The following PLCE1 variants were observed in gnomAD, a reference collection of about 807,000 sequenced individuals.
The protein encoded by PLCE1 is 1-phosphatidylinositol 4,5-bisphosphate phosphodiesterase epsilon-1.
PLCE1 carries 119 observed loss-of-function variants against 242.8 expected under a neutral mutation model. The ratio of observed to expected loss-of-function variants is 0.49; its 90% CI spans 0.42 to 0.57. The LOEUF (loss-of-function observed/expected upper bound fraction) is 0.57. Among genes scored for constraint, PLCE1 ranks in the 20% least tolerant of loss-of-function variants. The probability of loss-of-function intolerance (pLI) is 0.00; values close to 1 mark genes in which losing one functional copy is unlikely to be tolerated. For missense variants in PLCE1, 2,441 were observed against 2,788.8 expected (o/e 0.88, Z 2.81); for synonymous variants, 945 against 1,017.4 (o/e 0.93, Z 1.35).
chr10:94,235,115 C>T (rs1015289324), intron 6 of PLCE1, among the ~76,000 whole-genome samples: 2 of 145,026 alleles, frequency 1.4e-5, no homozygotes, highest in Non-Finnish European at 3.0e-5. Context: ...CATGTACATG[C>T]CTTCTCCATG....
intron 7 of PLCE1, among the ~76,000 whole-genome samples, chr10:94,239,267 A>C (rs1364836941): frequency 6.6e-6 from 1 of 152,324 alleles, no homozygotes; most frequent in South Asian, 2.1e-4. Flanking sequence ...GTCAAGGGAG[A>C]GACCAGGTGG....
At chr10:94,307,909 A>AT (rs1013544192) in intron 26 of PLCE1, among the ~76,000 whole-genome samples, 3 of 151,770 alleles carry the variant, frequency 2.0e-5, no homozygotes, top group East Asian at 1.9e-4. Flanking sequence ...AACAAAAACA[A>AT]TTTTTTTTTA....
chr10:94,317,848 G>A (rs1222635580), intron 29 of PLCE1, among the ~76,000 whole-genome samples: 2 of 152,148 alleles, frequency 1.3e-5, no homozygotes, highest in Admixed American at 1.3e-4. Flanking sequence ...TCAAGCAGTT[G>A]AGTCTATTCA....
intron 2 of PLCE1, among the ~76,000 whole-genome samples, chr10:94,070,780 T>C (rs532166396): frequency 6.6e-6 from 1 of 152,298 alleles, no homozygotes; most frequent in Non-Finnish European, 1.5e-5. Context: ...TCATTGTTTA[T>C]TCTATACCTT....
chr10:94,176,140 T>C (rs999310411), intron 4 of PLCE1, among the ~76,000 whole-genome samples: 1 of 152,198 alleles, frequency 6.6e-6, no homozygotes, highest in Non-Finnish European at 1.5e-5. Flanking sequence ...AGCTCATACC[T>C]ATAATCCTAG....
intron 14 of PLCE1, among the ~76,000 whole-genome samples, chr10:94,264,052 G>A (rs747234662): frequency 1.3e-5 from 2 of 152,136 alleles, no homozygotes; most frequent in Non-Finnish European, 2.9e-5. Context: ...AAAAGTTCTG[G>A]TCCTCAATGC....
intron 4 of PLCE1, among the ~76,000 whole-genome samples, chr10:94,213,962 G>A (rs927066836): frequency 4.6e-5 from 7 of 151,884 alleles, no homozygotes; most frequent in African/African-American, 1.2e-4. Context: ...TTATGATACC[G>A]GGCATTTTAT....
At chr10:94,248,034 A>G (rs376650432) in intron 8 of PLCE1, among the ~76,000 whole-genome samples, 57 of 152,334 alleles carry the variant, frequency 3.7e-4, no homozygotes, top group African/African-American at 1.2e-3. Flanking sequence ...TAGAACTACC[A>G]CTTGAACTAC....
At chr10:94,036,433 AT>A (rs568847720) in intron 2 of PLCE1, among the ~76,000 whole-genome samples, 109 of 151,502 alleles carry the variant, frequency 7.2e-4, no homozygotes, top group Middle Eastern at 3.4e-3. Context: ...CACATTAAAC[AT>A]TTTTTTTTCT....
intron 3 of PLCE1, among the ~76,000 whole-genome samples, chr10:94,140,622 T>TA (rs918042809): frequency 9.9e-5 from 15 of 152,168 alleles, no homozygotes; most frequent in Non-Finnish European, 4.4e-5. Context: ...TAGCTTTGAA[T>TA]AAAAAACAAG....
chr10:94,223,390 G>A (rs2049830002), intron 4 of PLCE1, among the ~76,000 whole-genome samples: 1 of 152,060 alleles, frequency 6.6e-6, no homozygotes, highest in African/African-American at 2.4e-5. Context: ...AATGGACAGG[G>A]GCCTGGTGGG....
At chr10:94,204,060 T>C (rs1462751539) in intron 4 of PLCE1, among the ~76,000 whole-genome samples, 1 of 151,924 alleles carries the variant, frequency 6.6e-6, no homozygotes, top group Non-Finnish European at 1.5e-5. Context: ...TCTTCGTATT[T>C]GCAAAAAATA....
intron 3 of PLCE1, among the ~76,000 whole-genome samples, chr10:94,142,850 T>A (rs2136030117): frequency 6.6e-6 from 1 of 152,326 alleles, no homozygotes; most frequent in Non-Finnish European, 1.5e-5. Context: ...GTGTAACTCC[T>A]TTAGCGAGAT....
At chr10:94,312,738 C>G (rs191714865) in intron 27 of PLCE1, among the ~76,000 whole-genome samples, 5 of 152,302 alleles carry the variant, frequency 3.3e-5, no homozygotes, top group Admixed American at 2.0e-4. Flanking sequence ...TCACTATAAG[C>G]CTTCCATAAA....
chr10:94,102,371 A>T (rs1311384445), intron 2 of PLCE1, among the ~76,000 whole-genome samples: 1 of 152,240 alleles, frequency 6.6e-6, no homozygotes, highest in Non-Finnish European at 1.5e-5. Context: ...AATCCCAAGC[A>T]GTTGCACCAA....
intron 2 of PLCE1, among the ~76,000 whole-genome samples, chr10:94,131,534 A>G (rs1252226803): frequency 6.6e-6 from 1 of 152,230 alleles, no homozygotes; most frequent in Non-Finnish European, 1.5e-5. Context: ...ATAAAAGGAG[A>G]AGAAATCAGG....
chr10:94,127,258 T>C (rs1372323067), intron 2 of PLCE1, among the ~76,000 whole-genome samples: 1 of 152,200 alleles, frequency 6.6e-6, no homozygotes, highest in African/African-American at 2.4e-5. Flanking sequence ...ATTAGTTGGG[T>C]AGTTCTAGTC....
chr10:94,067,985 C>G (rs546996104), intron 2 of PLCE1, among the ~76,000 whole-genome samples: 1 of 152,140 alleles, frequency 6.6e-6, no homozygotes, highest in Non-Finnish European at 1.5e-5. Flanking sequence ...AGGGGCTGAA[C>G]CCCCATGGTG....
intron 4 of PLCE1, among the ~76,000 whole-genome samples, chr10:94,221,665 G>A (rs977060915): frequency 2.0e-5 from 3 of 152,192 alleles, no homozygotes; most frequent in African/African-American, 7.2e-5. Flanking sequence ...AACCCAGGAG[G>A]CGGAGATTGC....
Sources: gnomAD v4.1 joint callset for allele counts (sites outside exome capture counted in the v4.1 genomes callset) on GRCh38, gnomAD v4.1.1 for gene constraint, MANE v1.5 for transcripts, NCBI Gene and HGNC (gene_info 2026-07-23, HGNC 2026-07-21) for gene names.